The following NELL1 variants were observed in gnomAD, a reference collection of about 807,000 sequenced individuals.
NELL1 encodes protein kinase C-binding protein NELL1.
Under a neutral mutation model 107.4 loss-of-function variants are expected in NELL1, and 76 were observed. That is an observed-to-expected ratio of 0.71 (90% CI 0.59 to 0.86). NELL1 has a LOEUF of 0.86. Among genes scored for constraint, NELL1 ranks in the 40% least tolerant of loss-of-function variants. The probability of loss-of-function intolerance (pLI) is 0.00; values close to 1 mark genes in which losing one functional copy is unlikely to be tolerated. For synonymous variants in NELL1, 353 were observed against 341.2 expected, an observed-to-expected ratio of 1.03 and a Z score of -0.38; for missense variants, 1,024 against 1,005.5, an observed-to-expected ratio of 1.02 and a Z score of -0.25.
chr11:21,305,871 A>T (rs1474706560), intron 14 of NELL1, among the ~76,000 whole-genome samples: 1 of 152,014 alleles, frequency 6.6e-6, no homozygotes, highest in East Asian at 1.9e-4. Context: ...TTTCATAATC[A>T]TAATTACCAC....
chr11:21,572,807 C>A lies in NELL1; in HGVS notation c.2158-378C>A, dbSNP rs144927494. On this transcript the variant is annotated intron_variant, in intron 18 of 19. Coordinates refer to ENST00000357134, the MANE Select transcript of NELL1 (RefSeq NM_006157.5). ...CAGTACCTTATAATTTATTTATTAG[C>A]CTTTATTGACCAAAACTGTGCTAAA... 5.4e-3 allele frequency among the ~76,000 whole-genome samples: 816 copies of A among 151,856 alleles called. 5 individuals carry two copies. Among genetic ancestry groups the A allele is most frequent in the African/African-American group, 0.019 (772 of 41,490 alleles).
intron 12 of NELL1, among the ~76,000 whole-genome samples, chr11:21,088,218 G>A (rs1429370142): frequency 6.6e-6 from 1 of 152,096 alleles, no homozygotes; most frequent in Non-Finnish European, 1.5e-5. Flanking sequence ...CATAGAGAAT[G>A]TGCTTCAAAA....
chr11:21,096,135 C>T (rs563996668), intron 12 of NELL1, among the ~76,000 whole-genome samples: 2 of 152,236 alleles, frequency 1.3e-5, no homozygotes, highest in South Asian at 4.2e-4. Context: ...TTGCCTTTGC[C>T]CACTACCCAG....
chr11:21,235,888 T>G (rs1858193613), intron 14 of NELL1, among the ~76,000 whole-genome samples: 1 of 152,158 alleles, frequency 6.6e-6, no homozygotes, highest in African/African-American at 2.4e-5. Context: ...TCTCTTAATC[T>G]ATTTTCTTTT....
chr11:21,431,866 T>C (rs2133834584), intron 15 of NELL1, among the ~76,000 whole-genome samples: 1 of 152,304 alleles, frequency 6.6e-6, no homozygotes, highest in Non-Finnish European at 1.5e-5. Flanking sequence ...AGCATGTATG[T>C]GCGCTCTGAA....
In NELL1 at chr11:20,954,306, TACTC is replaced by T. The variant is rs879342557; in HGVS notation, c.1172-6125_1172-6122del. Among the ~76,000 whole-genome samples the T allele has an allele frequency of 1.1e-4, 17 of 152,356 alleles. No homozygotes were observed. The East Asian group carries it at 1.4e-3, about 12-fold the overall frequency. On this transcript the variant is annotated intron_variant, in intron 11 of 19. Transcript: ENST00000357134. Reference sequence around the variant, plus strand: ...CAGATTATTTGGGGTTCTCCAAACTTACTCCTTGTTCTTTCTTCTTCCTCTTTGG... The same window carrying T: ...CAGATTATTTGGGGTTCTCCAAACTTCTTGTTCTTTCTTCTTCCTCTTTGG...
intron 13 of NELL1, among the ~76,000 whole-genome samples, chr11:21,207,596 T>C (rs1181546586): frequency 1.3e-5 from 2 of 152,228 alleles, no homozygotes; most frequent in Non-Finnish European, 1.5e-5. Flanking sequence ...TGAAACTAGA[T>C]GCTCTACAAA....
rs1014132006 is a variant in NELL1, at chr11:20,755,568, T to A, written c.185-28112T>A. Among the ~76,000 whole-genome samples, 641 of 120,960 alleles carry A rather than the reference T, an allele frequency of 5.3e-3. 6 individuals are homozygous for A. The highest frequency in any genetic ancestry group is 7.1e-3 in the Non-Finnish European group (418 of 58,636). The allele number at this position is 120,960 out of a possible 152,430, so 79.4% of individuals were successfully genotyped here. A position where few individuals can be genotyped will look rare whatever the true frequency, so the allele number is the denominator to read the frequency against. On this transcript the variant is annotated intron_variant, in intron 2 of 19. Coordinates refer to ENST00000357134, the MANE Select transcript of NELL1 (RefSeq NM_006157.5). ...TTTTTTTGTTTTTGTTTTTGTTTTT[T>A]TTTTTTTGAGACAGAATCTGGCTGT...
At chr11:21,321,372 G>A (rs971336456) in intron 14 of NELL1, among the ~76,000 whole-genome samples, 1 of 152,232 alleles carries the variant, frequency 6.6e-6, no homozygotes, top group East Asian at 1.9e-4. Flanking sequence ...ATCCCTCAGA[G>A]GTGATTGAAG....
intron 12 of NELL1, among the ~76,000 whole-genome samples, chr11:21,100,585 A>G (rs1854780265): frequency 6.6e-6 from 1 of 152,222 alleles, no homozygotes; most frequent in African/African-American, 2.4e-5. Context: ...ATGATCCAAC[A>G]ATTCCATTTG....
At chr11:21,366,051 T>C (rs139461973) in intron 14 of NELL1, among the ~76,000 whole-genome samples, 74 of 152,220 alleles carry the variant, frequency 4.9e-4, no homozygotes, top group African/African-American at 1.7e-3. Context: ...CTTCATCTTG[T>C]GACAACCAAA....
At chr11:21,092,062 G>A (rs936185554) in intron 12 of NELL1, among the ~76,000 whole-genome samples, 1 of 152,162 alleles carries the variant, frequency 6.6e-6, no homozygotes, top group African/African-American at 2.4e-5. Context: ...ATGAGAAATG[G>A]CACCGAGTAT....
At chr11:21,330,599 C>G (rs1565171575) in intron 14 of NELL1, among the ~76,000 whole-genome samples, 1 of 152,064 alleles carries the variant, frequency 6.6e-6, no homozygotes, top group African/African-American at 2.4e-5. Context: ...TGTTAATCTG[C>G]CTGGGATTCT....
intron 12 of NELL1, among the ~76,000 whole-genome samples, chr11:21,078,088 G>C (rs533514269): frequency 6.6e-6 from 1 of 151,646 alleles, no homozygotes; most frequent in Non-Finnish European, 1.5e-5. Flanking sequence ...TTTTTTCAAG[G>C]ATACAAAATT....
chr11:21,201,519 GT>G (rs1228827488), intron 13 of NELL1, among the ~76,000 whole-genome samples: 1 of 152,116 alleles, frequency 6.6e-6, no homozygotes, highest in Non-Finnish European at 1.5e-5. Context: ...GCTTAAGGAG[GT>G]TTTGGGCAGA....
chr11:21,159,723 T>C (rs1256886874), intron 13 of NELL1, among the ~76,000 whole-genome samples: 1 of 152,226 alleles, frequency 6.6e-6, no homozygotes, highest in African/African-American at 2.4e-5. Flanking sequence ...AGTGGGGCTA[T>C]ACTGCTAACA....
rs149705182 is a variant in NELL1 at position 21,052,997 on chromosome 11, CTG to C, written c.1301-60588_1301-60587del. Among the ~76,000 whole-genome samples the C allele has an allele frequency of 8.8e-3, 1,345 of 152,176 alleles. 18 individuals carry two copies. Among genetic ancestry groups the C allele is most frequent in the African/African-American group, 0.031 (1,285 of 41,524 alleles). ...GGCAGCTTGAAGGGAGATAGACACT[CTG>C]TGTTTGATATTAGACCACCCACTGA... is the stretch of plus-strand genomic sequence containing the variant. On this transcript the variant is annotated intron_variant, in intron 12 of 19. Coordinates refer to ENST00000357134, the MANE Select transcript of NELL1 (RefSeq NM_006157.5).
intron 2 of NELL1, among the ~76,000 whole-genome samples, chr11:20,769,829 G>A (rs1287258114): frequency 6.6e-6 from 1 of 152,136 alleles, no homozygotes; most frequent in Non-Finnish European, 1.5e-5. Flanking sequence ...GATCTGACAA[G>A]TACTCTAATT....
intron 3 of NELL1, among the ~76,000 whole-genome samples, chr11:20,795,574 A>G (rs1857153741): frequency 6.6e-6 from 1 of 152,226 alleles, no homozygotes; most frequent in South Asian, 2.1e-4. Flanking sequence ...ATTAAATCTA[A>G]TTGAACACTC....
Sources: gnomAD v4.1 joint callset for allele counts (sites outside exome capture counted in the v4.1 genomes callset) on GRCh38, gnomAD v4.1.1 for gene constraint, MANE v1.5 for transcripts, NCBI Gene and HGNC (gene_info 2026-07-23, HGNC 2026-07-21) for gene names.